Variants in NPAS2 observed in about 807,000 individuals in gnomAD.
NPAS2 encodes the protein neuronal PAS domain-containing protein 2.
Under a neutral mutation model 107.5 loss-of-function variants are expected in NPAS2, and 23 were observed. The observed-to-expected ratio is 0.21, with a 90% CI of 0.15 to 0.30. NPAS2 has a LOEUF of 0.30. Ranked by LOEUF, NPAS2 falls within the 10% of genes least tolerant of loss-of-function variation. The probability of loss-of-function intolerance (pLI) is 1.00; values close to 1 mark genes in which losing one functional copy is unlikely to be tolerated. For missense variants in NPAS2, 756 were observed against 1,043.3 expected (o/e 0.72, Z 3.79); for synonymous variants, 403 against 417.5 (o/e 0.97, Z 0.42).
At chr2:100,856,742 A>G (rs1312925595) in intron 1 of NPAS2, among the ~76,000 whole-genome samples, 1 of 152,178 alleles carries the variant, frequency 6.6e-6, no homozygotes, top group Non-Finnish European at 1.5e-5. Context: ...TGTGTTTAGC[A>G]GAATCATAAC....
At chr2:100,977,404 A>G (rs765071186) in intron 14 of NPAS2, among the ~76,000 whole-genome samples, 7 of 152,212 alleles carry the variant, frequency 4.6e-5, no homozygotes, top group Non-Finnish European at 7.3e-5. Context: ...CCCAGGGCGG[A>G]GTCCAGGACA....
At chr2:100,928,881 C>G (rs1427125136) in intron 3 of NPAS2, among the ~76,000 whole-genome samples, 1 of 152,184 alleles carries the variant, frequency 6.6e-6, no homozygotes, top group Non-Finnish European at 1.5e-5. Flanking sequence ...ACAGGAACTC[C>G]TCTACATAGA....
intron 1 of NPAS2, among the ~76,000 whole-genome samples, chr2:100,840,492 C>G (rs1241807337): frequency 1.3e-5 from 2 of 152,120 alleles, no homozygotes; most frequent in Non-Finnish European, 2.9e-5. Context: ...CCTTGAGACG[C>G]ACCATTTTAT....
intron 4 of NPAS2, among the ~76,000 whole-genome samples, chr2:100,935,453 C>T (rs894717072): frequency 6.6e-6 from 1 of 152,200 alleles, no homozygotes; most frequent in African/African-American, 2.4e-5. Context: ...ACTTTGCAAT[C>T]ACTTGCTGTT....
In NPAS2 at chr2:100,896,774, A is replaced by G. The variant is rs147878881; in HGVS notation, c.-22-7959A>G. On this transcript the variant is annotated intron_variant, in intron 1 of 20. Coordinates refer to ENST00000335681, the MANE Select transcript of NPAS2 (RefSeq NM_002518.4). ...GGGAGTGAATGTCAGGTAGTGGCAC[A>G]GGAATTCAGATGGGGGTTTGGCCCT... Among the ~76,000 whole-genome samples the G allele has an allele frequency of 2.3e-3, 348 of 152,272 alleles. 1 individual carries two copies. The highest frequency in any genetic ancestry group is 8.2e-3 in the African/African-American group (340 of 41,554).
intron 7 of NPAS2, among the ~76,000 whole-genome samples, chr2:100,954,257 G>A (rs956027331): frequency 5.9e-5 from 9 of 152,176 alleles, no homozygotes; most frequent in Admixed American, 2.0e-4. Context: ...CTTTGCATAC[G>A]AAAGGTACCT....
intron 5 of NPAS2, among the ~76,000 whole-genome samples, chr2:100,944,581 C>T (rs186802714): frequency 2.0e-3 from 307 of 152,238 alleles, no homozygotes; most frequent in Admixed American, 3.3e-3. Flanking sequence ...GTTCAACTGC[C>T]GATGTAATTT....
chr2:100,869,442 G>A (rs1679435003), intron 1 of NPAS2, among the ~76,000 whole-genome samples: 1 of 152,154 alleles, frequency 6.6e-6, no homozygotes, highest in African/African-American at 2.4e-5. Flanking sequence ...CCTCTGCAGA[G>A]GATTTGTGTT....
intron 17 of NPAS2, chr2:100,988,739 CCTGCTCCTCCAGGCCCCCA>C (rs1399314794): frequency 6.3e-6 from 2 of 316,066 alleles, no homozygotes; most frequent in Non-Finnish European, 1.2e-5. Flanking sequence ...CCAGGCGCCC[CCTGCTCCTCCAGGCCCCCA>C]CTGCTCCTCC....
intron 2 of NPAS2, among the ~76,000 whole-genome samples, chr2:100,920,862 A>C (rs1265363943): frequency 6.6e-6 from 1 of 152,208 alleles, no homozygotes; most frequent in African/African-American, 2.4e-5. Context: ...GGTGAACAGC[A>C]ATCCTAACAC....
chr2:100,993,636 C>T (rs1678273285), intron 20 of NPAS2, 109 bp downstream of exon 20: 1 of 873,334 alleles, frequency 1.1e-6, no homozygotes, highest in Non-Finnish European at 1.7e-6. Flanking sequence ...GTTGTTCTAT[C>T]CCTAGTATAG....
intron 7 of NPAS2, among the ~76,000 whole-genome samples, chr2:100,952,544 A>G (rs1419988726): frequency 6.6e-6 from 1 of 152,120 alleles, no homozygotes; most frequent in Non-Finnish European, 1.5e-5. Context: ...TGCCTGGGCA[A>G]CAAGAGCAAA....
intron 5 of NPAS2, among the ~76,000 whole-genome samples, chr2:100,942,852 T>G (rs1167311170): frequency 6.6e-6 from 1 of 152,244 alleles, no homozygotes; most frequent in African/African-American, 2.4e-5. Context: ...TGGACTCTTG[T>G]GACTTCTCCT....
intron 7 of NPAS2, among the ~76,000 whole-genome samples, chr2:100,957,917 A>AG (rs1366002917): frequency 6.6e-6 from 1 of 152,104 alleles, no homozygotes; most frequent in Non-Finnish European, 1.5e-5. Context: ...GACAGAGCGA[A>AG]ACTCAGTCTC....
At chr2:100,904,828 C>A (rs1243388405) in intron 2 of NPAS2, 42 bp downstream of exon 2, 13 of 1,463,324 alleles carry the variant, frequency 8.9e-6, no homozygotes, top group Non-Finnish European at 1.2e-5. Context: ...GCTCTCTGGC[C>A]CCCGGGGGTC....
intron 5 of NPAS2, among the ~76,000 whole-genome samples, chr2:100,941,478 G>A (rs933926580): frequency 6.6e-6 from 1 of 152,096 alleles, no homozygotes; most frequent in Non-Finnish European, 1.5e-5. Context: ...TGGGAGAATC[G>A]CTTGAGCCTG....
At chr2:100,864,874 TTTA>T (rs1679161773) in intron 1 of NPAS2, among the ~76,000 whole-genome samples, 1 of 152,222 alleles carries the variant, frequency 6.6e-6, no homozygotes, top group South Asian at 2.1e-4. Flanking sequence ...TTTAAAAATG[TTTA>T]TTAATTCATT....
At chr2:100,860,321 A>G (rs538779748) in intron 1 of NPAS2, among the ~76,000 whole-genome samples, 1 of 152,320 alleles carries the variant, frequency 6.6e-6, no homozygotes, top group South Asian at 2.1e-4. Context: ...AGAGTGATGC[A>G]GTGTATCAGA....
chr2:100,872,041 C>T (rs1313176587), intron 1 of NPAS2, among the ~76,000 whole-genome samples: 1 of 152,182 alleles, frequency 6.6e-6, no homozygotes, highest in African/African-American at 2.4e-5. Flanking sequence ...ACTTGTAACA[C>T]AGCAAGTTAA....
Sources: allele counts gnomAD v4.1 joint callset (sites outside exome capture counted in the v4.1 genomes callset), GRCh38; gene constraint gnomAD v4.1.1; transcripts MANE v1.5; gene names NCBI Gene and HGNC (gene_info 2026-07-23, HGNC 2026-07-21).